PTPRD: variants seen among roughly 807,000 people sequenced by gnomAD.
PTPRD encodes receptor-type tyrosine-protein phosphatase delta.
A neutral mutation model predicts 214.5 loss-of-function variants in PTPRD; 34 were observed. The observed-to-expected ratio is 0.16, with a 90% CI of 0.12 to 0.21. The LOEUF (loss-of-function observed/expected upper bound fraction) is 0.21, where lower values mean the gene tolerates loss of function less well. PTPRD is among the 10% of genes least tolerant of loss of function. PTPRD has a pLI of 1.00. For missense variants in PTPRD, 2,545 were observed against 2,398.7 expected, an observed-to-expected ratio of 1.06 and a Z score of -1.27; for synonymous variants, 1,128 against 845.7, an observed-to-expected ratio of 1.33 and a Z score of -5.79.
chr9:8,521,417 T>C lies in PTPRD; in HGVS notation c.821A>G (p.Glu274Gly), dbSNP rs541120953. The change falls in exon 20 of 46, where the codon GAA becomes GGA. Residue 274 changes from glutamate to glycine, a missense_variant. Coordinates refer to ENST00000381196, the MANE Select transcript of PTPRD (RefSeq NM_002839.4). Reference protein sequence around the residue: ...MPYVKWMLGAEDLTPEDDMPI... With the variant: ...MPYVKWMLGAGDLTPEDDMPI... ...CATATCATCTTCAGGTGTCAGATCT[T>C]CTGCCCCCAACATCCACTTTACATA... 1 of 1,614,066 alleles carries C rather than the reference T, an allele frequency of 6.2e-7. No homozygotes were observed. Among genetic ancestry groups the C allele is most frequent in the Non-Finnish European group, 8.5e-7 (1 of 1,179,940 alleles).
intron 11 of PTPRD, among the ~76,000 whole-genome samples, chr9:8,763,813 G>A (rs544962030): frequency 5.9e-5 from 9 of 152,134 alleles, no homozygotes; most frequent in Non-Finnish European, 1.0e-4. Flanking sequence ...ATGAGACCAT[G>A]AGCACAAAGA....
chr9:10,379,553 C>T (rs1339690223), intron 2 of PTPRD, among the ~76,000 whole-genome samples: 1 of 151,928 alleles, frequency 6.6e-6, no homozygotes, highest in African/African-American at 2.4e-5. Context: ...AATACTCCAA[C>T]ATTTAAATAT....
chr9:9,861,376 C>T lies in PTPRD; in HGVS notation c.-368+77131G>A, dbSNP rs555420733. Among the ~76,000 whole-genome samples, 5 of 152,122 alleles carry T rather than the reference C, an allele frequency of 3.3e-5. No homozygotes were observed. In the East Asian group the frequency reaches 5.8e-4, roughly 18 times the overall value. ...CGCCATCTCGGCTCACTGCAACCTC[C>T]GCCTCCCAGGTTCAAGCGATTCTCC... On this transcript the variant is annotated intron_variant, in intron 5 of 45. Coordinates refer to ENST00000381196, the MANE Select transcript of PTPRD (RefSeq NM_002839.4).
chr9:10,283,788 C>T (rs1055244156), intron 3 of PTPRD, among the ~76,000 whole-genome samples: 1 of 152,184 alleles, frequency 6.6e-6, no homozygotes, highest in Non-Finnish European at 1.5e-5. Context: ...AAAGTCCTTT[C>T]AATCCTTATG....
intron 3 of PTPRD, among the ~76,000 whole-genome samples, chr9:10,189,221 T>C (rs1297474437): frequency 6.6e-6 from 1 of 152,120 alleles, no homozygotes; most frequent in African/African-American, 2.4e-5. Flanking sequence ...AGGAAAGGTC[T>C]GGGGAATTTC....
chr9:9,052,925 C>G (rs1158595201), intron 10 of PTPRD, among the ~76,000 whole-genome samples: 1 of 152,148 alleles, frequency 6.6e-6, no homozygotes, highest in Non-Finnish European at 1.5e-5. Flanking sequence ...CACTAACTAT[C>G]TACAGCAAAT....
intron 8 of PTPRD, among the ~76,000 whole-genome samples, chr9:9,507,407 G>A (rs112619844): frequency 2.0e-5 from 3 of 151,022 alleles, no homozygotes; most frequent in African/African-American, 2.4e-5. Flanking sequence ...CAATAAAAAT[G>A]TAAGGCTTTG....
intron 10 of PTPRD, among the ~76,000 whole-genome samples, chr9:9,168,157 C>CTTGCTAAAA (rs894970999): frequency 6.6e-6 from 1 of 152,188 alleles, no homozygotes; most frequent in African/African-American, 2.4e-5. Context: ...CGGTTCTTTT[C>CTTGCTAAAA]TTGCTAAAAT....
At chr9:9,330,336 T>A (rs2041845391) in intron 9 of PTPRD, among the ~76,000 whole-genome samples, 2 of 152,144 alleles carry the variant, frequency 1.3e-5, no homozygotes, top group Non-Finnish European at 2.9e-5. Flanking sequence ...TGAAGCTGTA[T>A]AAGAAGAAAT....
At chr9:10,549,733 G>C (rs2060907065) in intron 2 of PTPRD, among the ~76,000 whole-genome samples, 1 of 152,090 alleles carries the variant, frequency 6.6e-6, no homozygotes, top group South Asian at 2.1e-4. Context: ...CTTCTATGTT[G>C]TTTGTCTTCT....
intron 6 of PTPRD, among the ~76,000 whole-genome samples, chr9:9,757,774 T>A (rs2098601659): frequency 6.6e-6 from 1 of 152,140 alleles, no homozygotes; most frequent in South Asian, 2.1e-4. Flanking sequence ...TCATCATGAA[T>A]TCATAAGCCA....
intron 2 of PTPRD, among the ~76,000 whole-genome samples, chr9:10,470,987 C>T (rs1327482288): frequency 6.6e-6 from 1 of 152,136 alleles, no homozygotes; most frequent in African/African-American, 2.4e-5. Flanking sequence ...AATGAGTTCA[C>T]GTCCTTTGCA....
intron 3 of PTPRD, among the ~76,000 whole-genome samples, chr9:10,196,703 A>G (rs1195303609): frequency 6.6e-6 from 1 of 152,176 alleles, no homozygotes; most frequent in African/African-American, 2.4e-5. Flanking sequence ...TAGTTACCTC[A>G]GGGTTAAAAT....
At chr9:9,437,261 G>T (rs778613519) in intron 8 of PTPRD, among the ~76,000 whole-genome samples, 1 of 152,026 alleles carries the variant, frequency 6.6e-6, no homozygotes, top group Non-Finnish European at 1.5e-5. Flanking sequence ...TGAAATTCTA[G>T]ATTTTTATTT....
At chr9:9,932,524 AG>A (rs1328350214) in intron 5 of PTPRD, among the ~76,000 whole-genome samples, 1 of 125,224 alleles carries the variant, frequency 8.0e-6, no homozygotes, top group Non-Finnish European at 1.6e-5. Context: ...GGAAGTTTAG[AG>A]AAAAAAGAAT....
chr9:10,611,902 T>TCCC (rs1457544187), intron 2 of PTPRD, among the ~76,000 whole-genome samples: 7 of 116,196 alleles, frequency 6.0e-5, no homozygotes, highest in African/African-American at 9.5e-5. Flanking sequence ...CTTTCCCTTT[T>TCCC]CCGCCCCCCC....
At chr9:8,938,328 G>T (rs985109606) in intron 11 of PTPRD, among the ~76,000 whole-genome samples, 1 of 152,030 alleles carries the variant, frequency 6.6e-6, no homozygotes, top group Non-Finnish European at 1.5e-5. Context: ...GAGAACACAA[G>T]ATGACAGAAA....
intron 7 of PTPRD, among the ~76,000 whole-genome samples, chr9:9,672,265 T>C (rs1308634615): frequency 2.6e-5 from 4 of 152,162 alleles, no homozygotes; most frequent in South Asian, 2.1e-4. Context: ...ATCTAAAGAC[T>C]ATTTTTAATA....
intron 11 of PTPRD, among the ~76,000 whole-genome samples, chr9:8,920,268 G>A (rs1159426680): frequency 3.9e-5 from 6 of 151,990 alleles, no homozygotes; most frequent in African/African-American, 7.3e-5. Flanking sequence ...TTGAACCCAG[G>A]AGGCAGAGGT....
Sources: gnomAD v4.1 joint callset for allele counts (sites outside exome capture counted in the v4.1 genomes callset) on GRCh38, gnomAD v4.1.1 for gene constraint, MANE v1.5 for transcripts, NCBI Gene and HGNC (gene_info 2026-07-23, HGNC 2026-07-21) for gene names.